Variants in EPHA6 observed in about 807,000 individuals in gnomAD.
EPHA6 encodes ephrin type-A receptor 6.
In EPHA6, 50 loss-of-function variants were observed where a neutral mutation model predicts 112.0. The ratio of observed to expected loss-of-function variants is 0.45; its 90% CI spans 0.36 to 0.56. The LOEUF (loss-of-function observed/expected upper bound fraction) is 0.56, where lower values mean the gene tolerates loss of function less well. Among genes scored for constraint, EPHA6 ranks in the 20% least tolerant of loss-of-function variants. EPHA6 has a pLI of 0.00. For missense variants in EPHA6, 1,280 were observed against 1,417.4 expected (o/e 0.90, Z 1.56); for synonymous variants, 529 against 490.7 (o/e 1.08, Z -1.03).
At chr3:96,944,651 G>A (rs538361222) in intron 2 of EPHA6, among the ~76,000 whole-genome samples, 3 of 152,306 alleles carry the variant, frequency 2.0e-5, no homozygotes, top group Non-Finnish European at 4.4e-5. Context: ...GAGATATGCA[G>A]TTTTCTCATC....
chr3:96,817,870 A>G (rs190571979), intron 1 of EPHA6, among the ~76,000 whole-genome samples: 9 of 152,060 alleles, frequency 5.9e-5, no homozygotes, highest in Middle Eastern at 3.4e-3. Flanking sequence ...ACTTGACTAT[A>G]GAAAGGATCT....
At chr3:97,095,518 T>C (rs959715594) in intron 3 of EPHA6, among the ~76,000 whole-genome samples, 1 of 151,998 alleles carries the variant, frequency 6.6e-6, no homozygotes, top group Non-Finnish European at 1.5e-5. Flanking sequence ...CAAAATTATG[T>C]GGCACAGGCT....
chr3:97,056,124 A>C (rs1480318305), intron 3 of EPHA6, among the ~76,000 whole-genome samples: 1 of 152,174 alleles, frequency 6.6e-6, no homozygotes, highest in Admixed American at 6.6e-5. Flanking sequence ...AATGCTTTAC[A>C]CAGAATATTA....
chr3:97,166,814 C>T (rs974810224), intron 3 of EPHA6, among the ~76,000 whole-genome samples: 2 of 152,134 alleles, frequency 1.3e-5, no homozygotes, highest in African/African-American at 4.8e-5. Context: ...TCATGCCATA[C>T]TTCTAGGCTA....
chr3:97,448,773 A>G, intron 7 of EPHA6, 43 bp downstream of exon 7: 1 of 1,596,024 alleles, frequency 6.3e-7, no homozygotes, highest in Non-Finnish European at 8.6e-7. Flanking sequence ...TGAATTTAGT[A>G]TCATTCCAAT....
intron 9 of EPHA6, among the ~76,000 whole-genome samples, chr3:97,482,257 C>G (rs2091574553): frequency 6.6e-6 from 1 of 152,108 alleles, no homozygotes; most frequent in Non-Finnish European, 1.5e-5. Flanking sequence ...TTATCTGTGC[C>G]TAGCATAATA....
chr3:97,172,932 G>C (rs759636729), intron 3 of EPHA6, among the ~76,000 whole-genome samples: 2 of 151,822 alleles, frequency 1.3e-5, no homozygotes, highest in Non-Finnish European at 2.9e-5. Context: ...TTTGACCAGG[G>C]GTTACTGATG....
At chr3:97,470,730 G>A (rs1577500500) in intron 7 of EPHA6, among the ~76,000 whole-genome samples, 1 of 151,358 alleles carries the variant, frequency 6.6e-6, no homozygotes, top group African/African-American at 2.4e-5. Flanking sequence ...TATGCCAAAC[G>A]CTGTTGCTCA....
At chr3:96,937,539 T>C (rs1311125176) in intron 2 of EPHA6, among the ~76,000 whole-genome samples, 4 of 152,220 alleles carry the variant, frequency 2.6e-5, no homozygotes, top group African/African-American at 9.6e-5. Flanking sequence ...GTGAAAATTT[T>C]CTCCTATTTT....
chr3:96,842,901 T>G (rs570830932), intron 1 of EPHA6, among the ~76,000 whole-genome samples: 2 of 152,228 alleles, frequency 1.3e-5, no homozygotes, highest in Middle Eastern at 6.8e-3. Context: ...TGTATATTTT[T>G]AAATATCTAT....
intron 3 of EPHA6, among the ~76,000 whole-genome samples, chr3:97,006,567 C>T (rs757280992): frequency 8.1e-4 from 123 of 151,498 alleles, no homozygotes; most frequent in Non-Finnish European, 2.1e-4. Flanking sequence ...CTCCTGGATT[C>T]GTTGATTTTT....
At chr3:97,150,778 G>C (rs114997469) in intron 3 of EPHA6, among the ~76,000 whole-genome samples, 2,411 of 152,052 alleles carry the variant, frequency 0.016, 75 homozygotes, top group African/African-American at 0.055. Flanking sequence ...TTTGTAGAAA[G>C]TGTTTTCTTT....
chr3:97,441,421 C>CAA (rs1354707042), intron 6 of EPHA6: 4 of 977,068 alleles, frequency 4.1e-6, no homozygotes, highest in Non-Finnish European at 3.6e-6. Flanking sequence ...TACAGACAAA[C>CAA]AAAACTACAA....
intron 2 of EPHA6, among the ~76,000 whole-genome samples, chr3:96,872,194 A>G (rs2036662556): frequency 2.6e-5 from 4 of 152,132 alleles, no homozygotes; most frequent in Admixed American, 2.0e-4. Flanking sequence ...ACTTTCTCTT[A>G]TAATCATTTG....
At chr3:97,324,126 CTTT>C (rs537058029) in intron 5 of EPHA6, among the ~76,000 whole-genome samples, 1 of 152,150 alleles carries the variant, frequency 6.6e-6, no homozygotes, top group South Asian at 2.1e-4. Context: ...AGACCCTTCA[CTTT>C]TCCTATGATT....
At chr3:96,886,462 A>G (rs1164907026) in intron 2 of EPHA6, among the ~76,000 whole-genome samples, 1 of 152,136 alleles carries the variant, frequency 6.6e-6, no homozygotes, top group Non-Finnish European at 1.5e-5. Flanking sequence ...CTGTTGCTTT[A>G]AAGTTTGTTT....
intron 3 of EPHA6, among the ~76,000 whole-genome samples, chr3:96,991,292 C>T (rs1290119774): frequency 6.6e-6 from 1 of 152,072 alleles, no homozygotes; most frequent in East Asian, 1.9e-4. Context: ...GGCTTAAAAC[C>T]ACAATGATTT....
At chr3:97,675,845 T>C (rs2031325039) in intron 14 of EPHA6, among the ~76,000 whole-genome samples, 1 of 152,250 alleles carries the variant, frequency 6.6e-6, no homozygotes, top group Non-Finnish European at 1.5e-5. Context: ...AATTCTAAAA[T>C]GTATGCAGGA....
intron 2 of EPHA6, among the ~76,000 whole-genome samples, chr3:96,976,013 C>A (rs931699472): frequency 4.6e-5 from 7 of 152,098 alleles, no homozygotes; most frequent in African/African-American, 1.7e-4. Flanking sequence ...TAAAAGCTAG[C>A]ACCTGACAGA....
Sources: allele counts gnomAD v4.1 joint callset (sites outside exome capture counted in the v4.1 genomes callset), GRCh38; gene constraint gnomAD v4.1.1; transcripts MANE v1.5; gene names NCBI Gene and HGNC (gene_info 2026-07-23, HGNC 2026-07-21).